USH2A: variants seen among roughly 807,000 people sequenced by gnomAD.
The protein encoded by USH2A is usherin, also known as Usher syndrome 2A (autosomal recessive, mild).
Under a neutral mutation model 538.9 loss-of-function variants are expected in USH2A, and 443 were observed. The observed-to-expected ratio is 0.82, with a 90% CI of 0.76 to 0.89. USH2A has a LOEUF of 0.89. Among genes scored for constraint, USH2A ranks in the 40% least tolerant of loss-of-function variants. The probability of loss-of-function intolerance (pLI) is 0.00; values close to 1 mark genes in which losing one functional copy is unlikely to be tolerated. For missense variants in USH2A, 6,633 were observed against 6,324.8 expected, an observed-to-expected ratio of 1.05 and a Z score of -1.65; for synonymous variants, 2,413 against 2,273.5, an observed-to-expected ratio of 1.06 and a Z score of -1.75.
At chr1:215,673,968 C>A (rs539629668) in intron 63 of USH2A, 132 bp downstream of exon 63, 10 of 1,507,934 alleles carry the variant, frequency 6.6e-6, no homozygotes, top group African/African-American at 5.5e-5. Flanking sequence ...CTACTATGCA[C>A]GTTTAGGTGG....
intron 16 of USH2A, among the ~76,000 whole-genome samples, chr1:216,200,977 ATCCC>A (rs58287796): frequency 0.38 from 19,150 of 49,776 alleles, 5,276 homozygotes; most frequent in South Asian, 0.52. Context: ...CCCCCCATCC[ATCCC>A]TCCCTCCCTC....
Position 216,120,219 on chromosome 1 carries a change from C to CAAAAAAAAAAAAAAA in USH2A, c.4628-23021_4628-23007dup, listed in dbSNP as rs10525093. Among the ~76,000 whole-genome samples the CAAAAAAAAAAAAAAA allele has an allele frequency of 4.6e-4, 46 of 100,012 alleles. 2 individuals carry two copies. The highest frequency in any genetic ancestry group is 1.9e-3 in the East Asian group (4 of 2,156). 65.6% of individuals were successfully genotyped at this position (100,012 alleles called of 152,430 possible). The stretch of plus-strand genomic sequence containing the variant: ...TATTAAAACAGGTCATACTAAATAG[C>CAAAAAAAAAAAAAAA]AAAAAAAAAAAAAAAAAAAAAAAAA... On this transcript the variant is annotated intron_variant, in intron 21 of 71. Transcript: ENST00000307340.
chr1:215,738,962 T>G (rs1390485826), intron 60 of USH2A, among the ~76,000 whole-genome samples: 1 of 152,196 alleles, frequency 6.6e-6, no homozygotes, highest in Non-Finnish European at 1.5e-5. Context: ...AATTTCTGAT[T>G]ATTTTTTGCA....
At chr1:215,967,545 C>T (rs953375903) in intron 36 of USH2A, among the ~76,000 whole-genome samples, 1 of 152,098 alleles carries the variant, frequency 6.6e-6, no homozygotes, top group African/African-American at 2.4e-5. Flanking sequence ...TACACCAACT[C>T]TCTTAAAGTA....
intron 46 of USH2A, among the ~76,000 whole-genome samples, chr1:215,843,998 A>T (rs1169369464): frequency 6.6e-6 from 1 of 152,190 alleles, no homozygotes; most frequent in Non-Finnish European, 1.5e-5. Flanking sequence ...GGGAAAAGGT[A>T]AGCTGCTCAA....
At chr1:216,146,830 T>C (rs1277617734) in intron 21 of USH2A, among the ~76,000 whole-genome samples, 1 of 152,030 alleles carries the variant, frequency 6.6e-6, no homozygotes, top group Non-Finnish European at 1.5e-5. Context: ...CATTCCTCCT[T>C]CTTCTCCTTT....
intron 11 of USH2A, among the ~76,000 whole-genome samples, chr1:216,263,341 C>G (rs891802892): frequency 6.6e-6 from 1 of 152,122 alleles, no homozygotes; most frequent in Non-Finnish European, 1.5e-5. Context: ...GCCAATATTC[C>G]TGATGACCAT....
chr1:216,015,823 C>T (rs995382726), intron 32 of USH2A, among the ~76,000 whole-genome samples: 7 of 152,124 alleles, frequency 4.6e-5, no homozygotes, highest in African/African-American at 1.4e-4. Flanking sequence ...TACCACTTGA[C>T]CTAGCTATCC....
Position 215,813,805 on chromosome 1 carries a change from C to A in USH2A, c.9670G>T (p.Gly3224Cys). The change falls in exon 49 of 72, where the codon GGT (glycine) becomes TGT (cysteine). Residue 3224 changes from glycine to cysteine, a missense_variant. Gly to Cys is a radical substitution (Grantham distance 159, BLOSUM62 -3). Transcript: ENST00000307340. ...GGTTGTGCCTCCTGTATTCGGCCAC[C>A]ACAACAAACTCCAGTAGAATTCAGA... ...FVLNSTGVCCGGRIQEAQPNH... is the reference protein window; with the variant it reads ...FVLNSTGVCCCGRIQEAQPNH... 1 of 1,613,888 alleles carries A rather than the reference C, an allele frequency of 6.2e-7. No individual in the cohort carries two copies. The highest frequency in any genetic ancestry group is 1.1e-5 in the South Asian group (1 of 91,078).
chr1:216,213,409 T>C (rs1276505070), intron 15 of USH2A, among the ~76,000 whole-genome samples: 2 of 152,088 alleles, frequency 1.3e-5, no homozygotes, highest in Non-Finnish European at 1.5e-5. Flanking sequence ...TCTTTCATTA[T>C]TGAATATGAT....
chr1:215,742,464 TTA>T (rs938742789), intron 59 of USH2A, among the ~76,000 whole-genome samples: 6 of 152,076 alleles, frequency 3.9e-5, no homozygotes, highest in African/African-American at 1.4e-4. Flanking sequence ...ATATATCATG[TTA>T]TATATGATAT....
intron 32 of USH2A, among the ~76,000 whole-genome samples, chr1:216,039,574 ATG>A (rs2030169387): frequency 6.6e-6 from 1 of 152,012 alleles, no homozygotes; most frequent in African/African-American, 2.4e-5. Flanking sequence ...AGTTATTTCA[ATG>A]TACTGCAATG....
Position 216,324,250 on chromosome 1 carries a change from C to T in USH2A, c.1246G>A (p.Ala416Thr), listed in dbSNP as rs187897763. 7.4e-6 allele frequency: 12 copies of T among 1,613,368 alleles called. No homozygotes were observed. In the Admixed American group the frequency reaches 1.7e-4, roughly 22 times the overall value. The change falls in exon 7 of 72, where the codon GCC becomes ACC. Residue 416 changes from alanine (A) to threonine (T), a missense_variant. Ala to Thr is a moderately conservative substitution (Grantham distance 58, BLOSUM62 0). Coordinates refer to ENST00000307340, the MANE Select transcript of USH2A (RefSeq NM_206933.4). ...SLDWEDWQYF[A>T]RNCGAFGMKN... ...ATTCCAAAAGCACCACAATTCCTGG[C>T]AAAATATTGCCAGTCCTCCCAATCT...
intron 46 of USH2A, among the ~76,000 whole-genome samples, chr1:215,839,278 G>T (rs1016532662): frequency 2.0e-5 from 3 of 152,090 alleles, no homozygotes; most frequent in African/African-American, 7.2e-5. Context: ...GGAAAAATTT[G>T]ATTCTGTGAT....
chr1:215,953,683 C>G (rs1005380337), intron 37 of USH2A, among the ~76,000 whole-genome samples: 1 of 151,976 alleles, frequency 6.6e-6, no homozygotes, highest in Non-Finnish European at 1.5e-5. Flanking sequence ...ACACCAAAAG[C>G]AATGGCAACA....
At chr1:216,382,733 C>A (rs2038941935) in intron 3 of USH2A, among the ~76,000 whole-genome samples, 1 of 152,002 alleles carries the variant, frequency 6.6e-6, no homozygotes, top group Admixed American at 6.6e-5. Flanking sequence ...CGAAAAGACC[C>A]AAATAAAGAG....
At chr1:216,152,486 A>C (rs1484906467) in intron 21 of USH2A, among the ~76,000 whole-genome samples, 4 of 130,814 alleles carry the variant, frequency 3.1e-5, no homozygotes, top group South Asian at 5.6e-4. Context: ...GCACCTTGCG[A>C]CCCCCACTCC....
chr1:215,902,785 A>C (rs1358723327), intron 38 of USH2A, among the ~76,000 whole-genome samples: 1 of 152,140 alleles, frequency 6.6e-6, no homozygotes, highest in African/African-American at 2.4e-5. Context: ...CAGAGATAGC[A>C]GTACATTCAA....
chr1:215,862,578 T>C (rs868754701), intron 44 of USH2A, among the ~76,000 whole-genome samples: 1 of 152,144 alleles, frequency 6.6e-6, no homozygotes, highest in Non-Finnish European at 1.5e-5. Context: ...ATAAAAAAAA[T>C]GCTTTTATCT....
Sources: gnomAD v4.1 joint callset for allele counts (sites outside exome capture counted in the v4.1 genomes callset) on GRCh38, gnomAD v4.1.1 for gene constraint, MANE v1.5 for transcripts, NCBI Gene and HGNC (gene_info 2026-07-23, HGNC 2026-07-21) for gene names.